Variants in MIIP observed in about 807,000 individuals in gnomAD.
MIIP encodes migration and invasion-inhibitory protein.
In MIIP, 44 loss-of-function variants were observed where a neutral mutation model predicts 44.8. The ratio of observed to expected loss-of-function variants is 0.98; its 90% CI spans 0.77 to 1.26. MIIP has a LOEUF of 1.26. Among genes scored for constraint, MIIP ranks in the 50% most tolerant of loss-of-function variants. The pLI is 0.00. For synonymous variants in MIIP, 225 were observed against 218.3 expected (o/e 1.03, Z -0.27); for missense variants, 496 against 511.7 (o/e 0.97, Z 0.30).
chr1:12,023,506 C>T (rs1015243582), intron 4 of MIIP, among the ~76,000 whole-genome samples: 1 of 149,852 alleles, frequency 6.7e-6, no homozygotes, highest in African/African-American at 2.4e-5. Context: ...CAGGTTCATA[C>T]CATTCTCCTG....
rs71568383 is a variant in MIIP at position 12,030,556 on chromosome 1, CTTTTTTTT to C, written c.942+448_942+455del. Among the ~76,000 whole-genome samples the C allele has an allele frequency of 7.4e-4, 44 of 59,080 alleles. 2 individuals are homozygous for C. The South Asian group carries it at 0.037, about 50-fold the overall frequency. The allele number at this position is 59,080 out of a possible 152,430, so 38.8% of individuals were successfully genotyped here. A position where few individuals can be genotyped will look rare whatever the true frequency, so the allele number is the denominator to read the frequency against. ...CTAGGTCTCTGTGCTGCTGCTGCTG[CTTTTTTTT>C]TTTTTTTTTTTTTTTGAGACCGAGT... On this transcript the variant is annotated intron_variant, in intron 8 of 9. Coordinates refer to ENST00000235332, the MANE Select transcript of MIIP (RefSeq NM_021933.4).
chr1:12,023,381 C>CTTATTTAT (rs71568382), intron 4 of MIIP, among the ~76,000 whole-genome samples: 13,375 of 140,032 alleles, frequency 0.096, 1,026 homozygotes, highest in African/African-American at 0.19. Flanking sequence ...TCTTTGTTTT[C>CTTATTTAT]TTATTTATTT....
chr1:12,022,520 T>G (rs566817547), intron 3 of MIIP, 78 bp downstream of exon 3: 8 of 1,227,662 alleles, frequency 6.5e-6, no homozygotes, highest in Admixed American at 2.9e-5. Context: ...CACATGTGCT[T>G]GTGGGTAGCC....
At chr1:12,028,114 T>C (rs1640141812) in intron 4 of MIIP, among the ~76,000 whole-genome samples, 1 of 152,110 alleles carries the variant, frequency 6.6e-6, no homozygotes, top group African/African-American at 2.4e-5. Flanking sequence ...GGCTGAGACA[T>C]GAGAATCGCT....
intron 6 of MIIP, 88 bp downstream of exon 6, chr1:12,029,369 T>A: frequency 7.0e-7 from 1 of 1,420,342 alleles, no homozygotes; most frequent in Non-Finnish European, 9.7e-7. Flanking sequence ...CCATTTGAGG[T>A]TTGGGGCCTG....
Position 12,031,402 on chromosome 1 carries a change from C to G in MIIP, c.1079C>G (p.Pro360Arg), listed in dbSNP as rs376332484. 1 of 1,613,158 alleles carries G rather than the reference C, an allele frequency of 6.2e-7. No individual in the cohort carries two copies. Among genetic ancestry groups the G allele is most frequent in the South Asian group, 1.1e-5 (1 of 91,044 alleles). The change falls in exon 9 of 10, where the codon CCG becomes CGG. Residue 360 changes from proline to arginine, a missense_variant and splice_region_variant. Transcript: ENST00000235332. ...KLSGTSSPFH[P>R]ASPMQMLPPT... ...TCCGGCACCAGCAGCCCTTTTCACC[C>G]GGTACGGTCCAGATCGCATCCTAGC...
At chr1:12,031,609 T>G in intron 9 of MIIP, 113 bp from the exon 10 acceptor site, 1 of 1,611,932 alleles carries the variant, frequency 6.2e-7, no homozygotes, top group Non-Finnish European at 8.5e-7. Flanking sequence ...CCTGCCCTGC[T>G]CCACCCAGGA....
chr1:12,023,068 T>TC (rs1305382045), intron 4 of MIIP, 151 bp downstream of exon 4: 1 of 589,972 alleles, frequency 1.7e-6, no homozygotes, highest in East Asian at 2.9e-5. Context: ...TCTTTTTTTT[T>TC]TTTTTTTTTT....
In MIIP at chr1:12,022,716, C is replaced by T; in HGVS notation, c.463-117C>T. Reference sequence around the variant, plus strand: ...CTTGCTCTTGTGCCCTTGGCTGAGCCCTGGGCTGCAAGTCAGGGTGTAAGT... The same window carrying T: ...CTTGCTCTTGTGCCCTTGGCTGAGCTCTGGGCTGCAAGTCAGGGTGTAAGT... On this transcript the variant is annotated intron_variant, in intron 3 of 9. Transcript: ENST00000235332. The T allele has an allele frequency of 3.6e-6, 3 of 831,310 alleles. No individual in the cohort carries two copies. In the South Asian group the frequency reaches 5.0e-5, roughly 14 times the overall value. 51.5% of individuals were successfully genotyped at this position (831,310 alleles called of 1,614,324 possible). A position where few individuals can be genotyped will look rare whatever the true frequency, so the allele number is the denominator to read the frequency against.
chr1:12,029,133 C>T lies in MIIP; in HGVS notation c.648C>T (p.Ser216=). The T allele has an allele frequency of 6.2e-7, 1 of 1,614,028 alleles. No homozygotes were observed. Among genetic ancestry groups the T allele is most frequent in the Non-Finnish European group, 8.5e-7 (1 of 1,179,878 alleles). ...RETNKEECIC[S]HPEPQLPGLR... is the part of the protein sequence containing the mutation. Reference sequence around the variant, plus strand: ...CCAACAAGGAGGAGTGTATCTGCAGCCATCCTGAGTGAGCAGGGGCGGGCG... The same window carrying T: ...CCAACAAGGAGGAGTGTATCTGCAGTCATCCTGAGTGAGCAGGGGCGGGCG... The change falls in exon 5 of 10, where the codon AGC becomes AGT. Residue 216 remains serine, a synonymous_variant. Transcript: ENST00000235332.
intron 4 of MIIP, among the ~76,000 whole-genome samples, chr1:12,025,481 A>G (rs1640087313): frequency 6.6e-6 from 1 of 152,184 alleles, no homozygotes; most frequent in Non-Finnish European, 1.5e-5. Flanking sequence ...GTTGGGAATA[A>G]TGCTGCTGGT....
chr1:12,022,681 C>G, intron 3 of MIIP, 152 bp from the exon 4 acceptor site: 1 of 692,542 alleles, frequency 1.4e-6, no homozygotes, highest in South Asian at 1.9e-5. Flanking sequence ...TGGGGCCAAA[C>G]GTTTCCCTTC....
intron 1 of MIIP, among the ~76,000 whole-genome samples, chr1:12,021,274 G>A (rs2100893088): frequency 6.6e-6 from 1 of 151,894 alleles, no homozygotes; most frequent in South Asian, 2.1e-4. Flanking sequence ...GGCGCCTGTA[G>A]TCCCAGCTAC....
At chr1:12,023,721 C>G (rs537844293) in intron 4 of MIIP, among the ~76,000 whole-genome samples, 1 of 148,980 alleles carries the variant, frequency 6.7e-6, no homozygotes, top group Non-Finnish European at 1.5e-5. Flanking sequence ...ACAGGCCGGG[C>G]ACGGTGACTC....
At chr1:12,031,036 C>T in intron 8 of MIIP, 1 of 547,148 alleles carries the variant, frequency 1.8e-6, no homozygotes, top group Non-Finnish European at 3.3e-6. Flanking sequence ...GTGAATGTCA[C>T]TGTCACCGTC....
intron 9 of MIIP, 101 bp downstream of exon 9, chr1:12,031,504 G>A (rs1457710691): frequency 2.6e-6 from 4 of 1,561,508 alleles, no homozygotes; most frequent in Non-Finnish European, 3.5e-6. Flanking sequence ...GTAGGATTGA[G>A]GTGGGGAGGA....
At chr1:12,019,694 C>T (rs1223496159) in intron 1 of MIIP, 142 bp downstream of exon 1, 1 of 152,334 alleles carries the variant, frequency 6.6e-6, no homozygotes, top group East Asian at 1.9e-4. Context: ...GCCTCGGCGT[C>T]CGCCCGCTCG....
In MIIP at chr1:12,020,108, C is replaced by T. The variant is rs1252437334; in HGVS notation, c.-83+556C>T. Reference sequence around the variant, plus strand: ...GGAGGCGGAGTTTTCCCAGGCTCCCCCACACTTCCAGGGAAAGGCTTTCCA... The same window carrying T: ...GGAGGCGGAGTTTTCCCAGGCTCCCTCACACTTCCAGGGAAAGGCTTTCCA... On this transcript the variant is annotated intron_variant, in intron 1 of 9. Transcript: ENST00000235332. Among the ~76,000 whole-genome samples, 3 of 152,282 alleles carry T rather than the reference C, an allele frequency of 2.0e-5. No homozygotes were observed. The South Asian group carries it at 6.2e-4, about 32-fold the overall frequency.
intron 4 of MIIP, 140 bp downstream of exon 4, chr1:12,023,057 C>CAA: frequency 1.9e-6 from 1 of 522,158 alleles, no homozygotes; most frequent in Non-Finnish European, 3.3e-6. Flanking sequence ...GGGGAGCACC[C>CAA]TCTTTTTTTT....
Sources: allele counts gnomAD v4.1 joint callset (sites outside exome capture counted in the v4.1 genomes callset), GRCh38; gene constraint gnomAD v4.1.1; transcripts MANE v1.5; gene names NCBI Gene and HGNC (gene_info 2026-07-23, HGNC 2026-07-21).